BNIP5: variants seen among roughly 807,000 people sequenced by gnomAD.
BNIP5 encodes the protein protein BNIP5.
In BNIP5, 61 loss-of-function variants were observed where a neutral mutation model predicts 67.3. The observed-to-expected ratio is 0.91, with a 90% confidence interval of 0.74 to 1.12. The LOEUF is 1.12. Among genes scored for constraint, BNIP5 ranks in the 50% most tolerant of loss-of-function variants. BNIP5 has a pLI of 0.00. For synonymous variants in BNIP5, 317 were observed against 319.0 expected (o/e 0.99, Z 0.07); for missense variants, 826 against 816.3 (o/e 1.01, Z -0.14).
At chr6:36,333,201 T>A (rs994762465) in intron 1 of BNIP5, among the ~76,000 whole-genome samples, 1 of 152,202 alleles carries the variant, frequency 6.6e-6, no homozygotes, top group African/African-American at 2.4e-5. Context: ...GGAAACCAGA[T>A]GGTATTGCAG....
chr6:36,319,361 G>C lies in BNIP5; in HGVS notation c.1918C>G (p.Gln640Glu). The C allele has an allele frequency of 1.2e-6, 2 of 1,613,764 alleles. No homozygotes were observed. Among genetic ancestry groups the C allele is most frequent in the Non-Finnish European group, 1.7e-6 (2 of 1,179,836 alleles). The part of the protein sequence containing the change: ...NCTQFPYRED[Q>E]PNITSPKVES... ...TCTTCCCCGCCCTCTCTCACCGGCT[G>C]GTCCTCCCTGTATGGGAACTGGGTG... is the stretch of plus-strand genomic sequence containing the variant. Residue 640 changes from glutamine to glutamate, a missense_variant, in exon 11 of 12, where the codon CAG (glutamine) becomes GAG (glutamate). Gln to Glu is a conservative substitution (Grantham distance 29, BLOSUM62 2). Coordinates refer to ENST00000437635, the MANE Select transcript of BNIP5 (RefSeq NM_001010903.5).
At chr6:36,330,818 C>T (rs545077079) in intron 1 of BNIP5, 124 bp from the exon 2 acceptor site, 18 of 1,294,166 alleles carry the variant, frequency 1.4e-5, no homozygotes, top group East Asian at 5.1e-5. Flanking sequence ...GGCTGGAGTG[C>T]AGTGGCGCTA....
At chr6:36,322,987 A>T (rs1250817609) in intron 8 of BNIP5, among the ~76,000 whole-genome samples, 1 of 152,156 alleles carries the variant, frequency 6.6e-6, no homozygotes, top group Non-Finnish European at 1.5e-5. Flanking sequence ...TGGCCAGGTG[A>T]TTCTGATGCA....
Position 36,329,990 on chromosome 6 carries a change from C to T in BNIP5, c.610+91G>A, listed in dbSNP as rs926475621. 8.4e-6 allele frequency: 12 copies of T among 1,427,352 alleles called. No homozygotes were observed. The Admixed American group carries it at 9.2e-5, about 11-fold the overall frequency. 88.4% of individuals were successfully genotyped at this position (1,427,352 alleles called of 1,614,324 possible). A position where few individuals can be genotyped will look rare whatever the true frequency, so the allele number is the denominator to read the frequency against. On this transcript the variant is annotated intron_variant, in intron 2 of 11. Transcript: ENST00000437635. ...AGCGGTGCCGGCCCCTGACAGCTCC[C>T]CCGACTATCCCTGTCCCTCTGTGGA... is the stretch of plus-strand genomic sequence containing the variant.
At chr6:36,334,594 G>A (rs570811790) in intron 1 of BNIP5, among the ~76,000 whole-genome samples, 109 of 152,196 alleles carry the variant, frequency 7.2e-4, no homozygotes, top group African/African-American at 2.5e-3. Flanking sequence ...GAGACAGCGC[G>A]GCTGACTGGG....
At chr6:36,335,634 A>G (rs1215542129) in intron 1 of BNIP5, among the ~76,000 whole-genome samples, 1 of 152,176 alleles carries the variant, frequency 6.6e-6, no homozygotes, top group Non-Finnish European at 1.5e-5. Context: ...GCATGTGCAA[A>G]CCCAAACCAG....
chr6:36,330,880 C>T (rs1771890843), intron 1 of BNIP5, among the ~76,000 whole-genome samples, 186 bp from the exon 2 acceptor site: 1 of 152,212 alleles, frequency 6.6e-6, no homozygotes, highest in Non-Finnish European at 1.5e-5. Context: ...TCTCCTGCCT[C>T]AGCCTCCTGA....
intron 3 of BNIP5, among the ~76,000 whole-genome samples, 177 bp from the exon 4 acceptor site, chr6:36,327,271 A>G (rs1426951051): frequency 6.6e-6 from 1 of 152,264 alleles, no homozygotes; most frequent in Non-Finnish European, 1.5e-5. Context: ...CGGGGAAGGC[A>G]CTAAGCCAAA....
intron 6 of BNIP5, among the ~76,000 whole-genome samples, 177 bp from the exon 7 acceptor site, chr6:36,324,367 T>C (rs1771707089): frequency 6.6e-6 from 1 of 151,074 alleles, no homozygotes; most frequent in Non-Finnish European, 1.5e-5. Context: ...ACTTTACCAA[T>C]GACGGCCTCT....
intron 9 of BNIP5, 47 bp from the exon 10 acceptor site, chr6:36,321,266 C>T: frequency 7.1e-7 from 1 of 1,407,080 alleles, no homozygotes; most frequent in African/African-American, 1.4e-5. Flanking sequence ...TGGGTGATGC[C>T]CAGTTCCCTT....
At chr6:36,318,341 T>A (rs569371527) in intron 11 of BNIP5, among the ~76,000 whole-genome samples, 29 of 152,274 alleles carry the variant, frequency 1.9e-4, no homozygotes, top group Admixed American at 1.7e-3. Context: ...GTAAGCAGGT[T>A]ATGTTAAGTG....
chr6:36,322,479 G>T, intron 8 of BNIP5, 37 bp from the exon 9 acceptor site: 1 of 1,594,396 alleles, frequency 6.3e-7, no homozygotes, highest in Non-Finnish European at 8.5e-7. Context: ...GTTTTGCAGA[G>T]AGCTGAATCT....
intron 6 of BNIP5, among the ~76,000 whole-genome samples, chr6:36,324,839 A>T (rs1011901889): frequency 6.6e-6 from 1 of 151,380 alleles, no homozygotes; most frequent in African/African-American, 2.4e-5. Flanking sequence ...TTAGCCACTA[A>T]CAGGGGCTGC....
intron 9 of BNIP5, 38 bp downstream of exon 9, chr6:36,322,273 C>G: frequency 6.2e-7 from 1 of 1,612,454 alleles, no homozygotes; most frequent in Admixed American, 1.7e-5. Flanking sequence ...GAGAAGCACC[C>G]GGGAAGCTGT....
intron 1 of BNIP5, among the ~76,000 whole-genome samples, chr6:36,334,195 T>C (rs2127372593): frequency 6.6e-6 from 1 of 152,298 alleles, no homozygotes; most frequent in African/African-American, 2.4e-5. Context: ...TCAGGAAAGC[T>C]GCGGTGATTT....
At chr6:36,334,351 G>A (rs1385743579) in intron 1 of BNIP5, among the ~76,000 whole-genome samples, 3 of 152,220 alleles carry the variant, frequency 2.0e-5, no homozygotes, top group African/African-American at 7.2e-5. Flanking sequence ...CCCCAGTGAA[G>A]AGATTCCAGG....
At chr6:36,327,523 T>A (rs1313990657) in intron 3 of BNIP5, among the ~76,000 whole-genome samples, 1 of 152,220 alleles carries the variant, frequency 6.6e-6, no homozygotes, top group Non-Finnish European at 1.5e-5. Flanking sequence ...GAGAGCACTT[T>A]GCAAGGCTAA....
In BNIP5 at chr6:36,318,306, C is replaced by T. The variant is rs771402618; in HGVS notation, c.1924-915G>A. Among the ~76,000 whole-genome samples, 5 of 152,156 alleles carry T rather than the reference C, an allele frequency of 3.3e-5. No homozygotes were observed. The East Asian group carries it at 5.8e-4, about 18-fold the overall frequency. ...TTACACCTTCATTCAGAGGCTTCTA[C>T]GCTGTGGATCTGGGTCAAATGTTTG... On this transcript the variant is annotated intron_variant, in intron 11 of 11. Coordinates refer to ENST00000437635, the MANE Select transcript of BNIP5 (RefSeq NM_001010903.5).
At chr6:36,327,223 AG>A (rs1771785838) in intron 3 of BNIP5, 129 bp from the exon 4 acceptor site, 8 of 801,908 alleles carry the variant, frequency 1.0e-5, no homozygotes, top group Non-Finnish European at 1.6e-5. Context: ...ACCACATCCC[AG>A]GGGCAGGTTC....
Sources: allele counts gnomAD v4.1 joint callset (sites outside exome capture counted in the v4.1 genomes callset), GRCh38; gene constraint gnomAD v4.1.1; transcripts MANE v1.5; gene names NCBI Gene and HGNC (gene_info 2026-07-23, HGNC 2026-07-21).